The following COMMD7 variants were observed in gnomAD, a reference collection of about 807,000 sequenced individuals.
The protein encoded by COMMD7 is COMM domain-containing protein 7.
Under a neutral mutation model 34.8 loss-of-function variants are expected in COMMD7, and 28 were observed. That is an observed-to-expected ratio of 0.80 (90% CI 0.60 to 1.10). The LOEUF (loss-of-function observed/expected upper bound fraction) is 1.10. COMMD7 is among the 50% of genes least tolerant of loss of function. COMMD7 has a pLI of 0.00. For synonymous variants in COMMD7, 80 were observed against 86.4 expected, an observed-to-expected ratio of 0.93 and a Z score of 0.41; for missense variants, 211 against 241.6, an observed-to-expected ratio of 0.87 and a Z score of 0.84.
chr20:32,719,468 G>A (rs2145741766), intron 3 of COMMD7, among the ~76,000 whole-genome samples: 1 of 152,214 alleles, frequency 6.6e-6, no homozygotes, highest in South Asian at 2.1e-4. Context: ...GGCCAACAAG[G>A]TGAAACCCCG....
rs1474248293 is a variant in COMMD7, at chr20:32,739,670, A to G, written c.84+3638T>C. Among the ~76,000 whole-genome samples the G allele has an allele frequency of 9.4e-5, 13 of 137,720 alleles. 1 individual carries two copies. Among genetic ancestry groups the G allele is most frequent in the African/African-American group, 3.3e-4 (12 of 36,250 alleles). 90.3% of individuals were successfully genotyped at this position (137,720 alleles called of 152,430 possible). On this transcript the variant is annotated intron_variant, in intron 1 of 8. Coordinates refer to ENST00000278980, the MANE Select transcript of COMMD7 (RefSeq NM_053041.3). Reference sequence around the variant, plus strand: ...AAAAAAAAAAAAAAAAAAAATACATAAAAGCACTTAGATCCCTATTGTCCA... The same window carrying G: ...AAAAAAAAAAAAAAAAAAAATACATGAAAGCACTTAGATCCCTATTGTCCA...
At chr20:32,716,146 C>A (rs913856751) in intron 3 of COMMD7, among the ~76,000 whole-genome samples, 1 of 152,108 alleles carries the variant, frequency 6.6e-6, no homozygotes, top group Non-Finnish European at 1.5e-5. Context: ...CTGATGGGAA[C>A]CCATTCCAAA....
chr20:32,703,160 G>T lies in COMMD7; in HGVS notation c.*222C>A. 4.9e-6 allele frequency: 2 copies of T among 406,882 alleles called. No individual in the cohort carries two copies. The highest frequency in any genetic ancestry group is 3.7e-5 in the East Asian group (1 of 26,894). 25.2% of individuals were successfully genotyped at this position (406,882 alleles called of 1,614,324 possible). A position where few individuals can be genotyped will look rare whatever the true frequency, so the allele number is the denominator to read the frequency against. On this transcript the variant is annotated 3_prime_UTR_variant, in exon 9 of 9. Coordinates refer to ENST00000278980, the MANE Select transcript of COMMD7 (RefSeq NM_053041.3). ...TAAAAATGTGTCCTGGAAGACAGGT[G>T]GTGGTGGTTGCCCTAACAGAGAGTT... is the stretch of plus-strand genomic sequence containing the variant.
chr20:32,737,156 T>C (rs1223605622), intron 1 of COMMD7, among the ~76,000 whole-genome samples: 1 of 151,676 alleles, frequency 6.6e-6, no homozygotes, highest in Non-Finnish European at 1.5e-5. Flanking sequence ...CATTCCAGCC[T>C]GGGTGACAGA....
intron 3 of COMMD7, among the ~76,000 whole-genome samples, chr20:32,711,901 T>C (rs1000129835): frequency 1.3e-5 from 2 of 151,974 alleles, no homozygotes; most frequent in African/African-American, 4.8e-5. Context: ...ACTTAGGTGA[T>C]GGGCTGGGCG....
intron 1 of COMMD7, among the ~76,000 whole-genome samples, chr20:32,733,466 C>T (rs979868850): frequency 1.3e-5 from 2 of 152,026 alleles, no homozygotes; most frequent in Admixed American, 1.3e-4. Context: ...CGCCTGTAAT[C>T]CCAGCACTTT....
intron 3 of COMMD7, among the ~76,000 whole-genome samples, chr20:32,717,605 C>T (rs967622963): frequency 3.3e-5 from 5 of 151,810 alleles, no homozygotes; most frequent in South Asian, 2.1e-4. Context: ...GGATTACAGG[C>T]GTGAGCCACC....
rs1175774267 is a variant in COMMD7 at position 32,724,951 on chromosome 20, TAAAAAAA to T, written c.241+2935_241+2941del. 3.6e-4 allele frequency among the ~76,000 whole-genome samples: 5 copies of T among 13,874 alleles called. 2 individuals carry two copies. The highest frequency in any genetic ancestry group is 4.4e-4 in the Non-Finnish European group (2 of 4,582). 9.1% of individuals were successfully genotyped at this position (13,874 alleles called of 152,430 possible). ...AGAATTATCAATAAAAAAATAAATT[TAAAAAAA>T]AAAAAAAAAAAAAAAAGACTTGTGG... On this transcript the variant is annotated intron_variant, in intron 3 of 8. Coordinates refer to ENST00000278980, the MANE Select transcript of COMMD7 (RefSeq NM_053041.3).
intron 1 of COMMD7, 35 bp from the exon 2 acceptor site, chr20:32,728,177 T>C: frequency 2.5e-6 from 4 of 1,609,764 alleles, no homozygotes; most frequent in Non-Finnish European, 3.4e-6. Flanking sequence ...TCAGTACAAT[T>C]TCTACTACTG....
intron 7 of COMMD7, 130 bp from the exon 8 acceptor site, chr20:32,704,201 C>T (rs530864467): frequency 1.2e-5 from 10 of 840,822 alleles, no homozygotes; most frequent in African/African-American, 1.0e-4. Flanking sequence ...CATCCACCAC[C>T]GAAAATTCTA....
Position 32,727,447 on chromosome 20 carries a change from A to G in COMMD7, c.241+446T>C, listed in dbSNP as rs1485836794. On this transcript the variant is annotated intron_variant, in intron 3 of 8. Coordinates refer to ENST00000278980, the MANE Select transcript of COMMD7 (RefSeq NM_053041.3). The stretch of plus-strand genomic sequence containing the variant: ...AGCTACTCGGGAAGCTGAGTAGGAG[A>G]ATCACTTGAACTCGGATGGCAGAGG... Among the ~76,000 whole-genome samples the G allele has an allele frequency of 2.6e-5, 4 of 151,264 alleles. No homozygotes were observed. In the East Asian group the frequency reaches 7.7e-4, roughly 29 times the overall value.
At chr20:32,704,591 G>C (rs1983951703) in intron 6 of COMMD7, 102 bp from the exon 7 acceptor site, 13 of 1,267,386 alleles carry the variant, frequency 1.0e-5, no homozygotes, top group Non-Finnish European at 1.4e-5. Context: ...TCCAGCAGAA[G>C]CCATGTGGGG....
At chr20:32,703,974 C>T (rs1419310978) in intron 8 of COMMD7, 49 bp downstream of exon 8, 10 of 1,613,202 alleles carry the variant, frequency 6.2e-6, no homozygotes, top group Non-Finnish European at 8.5e-6. Flanking sequence ...CCCCTGATTG[C>T]AGAGAACACA....
At chr20:32,704,525 A>C in intron 6 of COMMD7, 36 bp from the exon 7 acceptor site, 1 of 1,587,118 alleles carries the variant, frequency 6.3e-7, no homozygotes, top group South Asian at 1.2e-5. Flanking sequence ...AGAGAGAGAG[A>C]GAAATAACAA....
chr20:32,730,645 TTCAA>T (rs959227976), intron 1 of COMMD7, among the ~76,000 whole-genome samples: 4 of 152,124 alleles, frequency 2.6e-5, no homozygotes, highest in African/African-American at 7.2e-5. Context: ...AAAGACCCAG[TTCAA>T]TCAGTGTTCT....
chr20:32,715,411 A>G (rs903803672), intron 3 of COMMD7, among the ~76,000 whole-genome samples: 11 of 141,860 alleles, frequency 7.8e-5, no homozygotes, highest in Non-Finnish European at 1.7e-4. Context: ...GAAGCTCAGG[A>G]AGTCAAGGAT....
chr20:32,704,936 C>G, intron 5 of COMMD7, 32 bp from the exon 6 acceptor site: 1 of 1,514,818 alleles, frequency 6.6e-7, no homozygotes, highest in South Asian at 1.1e-5. Context: ...AAGTCAATTA[C>G]AATAGGAAAA....
intron 1 of COMMD7, among the ~76,000 whole-genome samples, chr20:32,729,255 A>T (rs1311541732): frequency 6.9e-6 from 1 of 145,440 alleles, no homozygotes; most frequent in Non-Finnish European, 1.5e-5. Flanking sequence ...TGCAACCTCC[A>T]CCTTCTGAGT....
chr20:32,725,371 T>G (rs2145757089), intron 3 of COMMD7, among the ~76,000 whole-genome samples: 1 of 151,778 alleles, frequency 6.6e-6, no homozygotes, highest in Non-Finnish European at 1.5e-5. Context: ...GGGACAAAAG[T>G]AGGAGGAGAG....
Sources: gnomAD v4.1 joint callset for allele counts (sites outside exome capture counted in the v4.1 genomes callset) on GRCh38, gnomAD v4.1.1 for gene constraint, MANE v1.5 for transcripts, NCBI Gene and HGNC (gene_info 2026-07-23, HGNC 2026-07-21) for gene names.